Variants in RAB7A observed in about 807,000 individuals in gnomAD.
The protein encoded by RAB7A is RAB7A, member RAS oncogene family, also known as ras-related protein Rab-7a.
In RAB7A, 2 loss-of-function variants were observed where a neutral mutation model predicts 24.5. The observed-to-expected ratio is 0.08, with a 90% CI of 0.03 to 0.26. The LOEUF (loss-of-function observed/expected upper bound fraction) is 0.26. Ranked by LOEUF, RAB7A falls within the 10% of genes least tolerant of loss-of-function variation. The pLI is 1.00. For missense variants in RAB7A, 118 were observed against 255.7 expected, an observed-to-expected ratio of 0.46 and a Z score of 3.67; for synonymous variants, 100 against 95.9, an observed-to-expected ratio of 1.04 and a Z score of -0.25.
At chr3:128,810,864 GCCAACATTGTGAAACC>G (rs1285680592) in intron 5 of RAB7A, among the ~76,000 whole-genome samples, 2 of 152,160 alleles carry the variant, frequency 1.3e-5, no homozygotes, top group Non-Finnish European at 2.9e-5. Flanking sequence ...GACCAGCCTG[GCCAACATTGTGAAACC>G]CCATCTCTAC....
In RAB7A at chr3:128,795,428, A is replaced by G; in HGVS notation, c.53+8A>G. ...CATCCTGGGAGATTCTGGGTAAGTT[A>G]CTCATGAATTTGAGCTAACAGATTG... On this transcript the variant is annotated splice_region_variant and intron_variant, in intron 2 of 5. Coordinates refer to ENST00000265062, the MANE Select transcript of RAB7A (RefSeq NM_004637.6). The G allele has an allele frequency of 6.2e-7, 1 of 1,610,256 alleles. No individual in the cohort carries two copies. Among genetic ancestry groups the G allele is most frequent in the African/African-American group, 1.3e-5 (1 of 74,896 alleles).
intron 1 of RAB7A, among the ~76,000 whole-genome samples, chr3:128,777,709 C>T (rs926180537): frequency 6.6e-6 from 1 of 152,182 alleles, no homozygotes; most frequent in Non-Finnish European, 1.5e-5. Context: ...ATAAAAGCTG[C>T]TCCAGTCAAT....
At chr3:128,772,824 G>T (rs1464519016) in intron 1 of RAB7A, among the ~76,000 whole-genome samples, 3 of 152,230 alleles carry the variant, frequency 2.0e-5, no homozygotes, top group Admixed American at 6.5e-5. Context: ...GCTCCTAACC[G>T]CGAGTGATCT....
intron 1 of RAB7A, among the ~76,000 whole-genome samples, chr3:128,794,339 G>A (rs2107610518): frequency 6.6e-6 from 1 of 152,288 alleles, no homozygotes; most frequent in African/African-American, 2.4e-5. Context: ...TAGGACATAA[G>A]AGCTGTCATC....
chr3:128,742,048 G>T (rs761021911), intron 1 of RAB7A, among the ~76,000 whole-genome samples: 2 of 152,102 alleles, frequency 1.3e-5, no homozygotes, highest in African/African-American at 4.8e-5. Flanking sequence ...TAAAGATAGC[G>T]TGTCCAGAGT....
chr3:128,770,013 T>G (rs1027595397), intron 1 of RAB7A, among the ~76,000 whole-genome samples: 11 of 151,484 alleles, frequency 7.3e-5, no homozygotes, highest in African/African-American at 2.2e-4. Flanking sequence ...TTCTTTTTTT[T>G]TTTTTTTGAG....
rs1057523037 is a variant in RAB7A at position 128,797,926 on chromosome 3, T to C, written c.54-17T>C. On this transcript the variant is annotated splice_polypyrimidine_tract_variant and intron_variant, in intron 2 of 5. Transcript: ENST00000265062. The stretch of plus-strand genomic sequence containing the variant: ...CCTCCTATTTGACTTATACTTATGG[T>C]TTTTCTCCAATTTCAGAGTCGGGAA... 6.2e-7 allele frequency: 1 copy of C among 1,612,734 alleles called. No individual in the cohort carries two copies. Among genetic ancestry groups the C allele is most frequent in the South Asian group, 1.1e-5 (1 of 91,002 alleles).
chr3:128,728,494 C>T (rs549742088), intron 1 of RAB7A, among the ~76,000 whole-genome samples: 1 of 152,260 alleles, frequency 6.6e-6, no homozygotes, highest in East Asian at 1.9e-4. Context: ...CGGAGTTTCC[C>T]TCTTGTTGCC....
At chr3:128,774,104 A>T (rs1018689481) in intron 1 of RAB7A, among the ~76,000 whole-genome samples, 46 of 150,302 alleles carry the variant, frequency 3.1e-4, no homozygotes, top group Admixed American at 6.6e-4. Flanking sequence ...AAGAAAAAAA[A>T]TTTTTTTAAA....
At chr3:128,752,956 G>A (rs1452512445) in intron 1 of RAB7A, among the ~76,000 whole-genome samples, 2 of 152,070 alleles carry the variant, frequency 1.3e-5, no homozygotes, top group African/African-American at 4.8e-5. Context: ...TCAAAATGAT[G>A]CTACAAATTA....
intron 1 of RAB7A, chr3:128,764,819 C>T (rs1428432015): frequency 2.1e-6 from 2 of 941,332 alleles, no homozygotes; most frequent in Admixed American, 1.7e-5. Flanking sequence ...AGTTTCTCGG[C>T]ATGTTCCCTC....
intron 1 of RAB7A, among the ~76,000 whole-genome samples, chr3:128,741,489 A>T (rs531470394): frequency 2.0e-5 from 3 of 152,070 alleles, no homozygotes; most frequent in Non-Finnish European, 4.4e-5. Flanking sequence ...TTGACTAGAA[A>T]TTTTTTTTAT....
intron 1 of RAB7A, among the ~76,000 whole-genome samples, chr3:128,748,254 T>C (rs1301797403): frequency 2.0e-5 from 3 of 152,136 alleles, no homozygotes; most frequent in Admixed American, 6.5e-5. Flanking sequence ...GCTGGTACAT[T>C]GAGTGGAGGG....
intron 5 of RAB7A, among the ~76,000 whole-genome samples, chr3:128,808,815 C>G (rs560479839): frequency 1.7e-4 from 26 of 152,048 alleles, no homozygotes; most frequent in African/African-American, 5.6e-4. Context: ...TCCAGGAAGC[C>G]GGCTGAATGA....
At chr3:128,752,831 C>G (rs1165660227) in intron 1 of RAB7A, among the ~76,000 whole-genome samples, 1 of 150,930 alleles carries the variant, frequency 6.6e-6, no homozygotes, top group African/African-American at 2.4e-5. Context: ...CTACAACAGC[C>G]TTTTTTATTT....
chr3:128,765,656 G>A (rs373528017), intron 1 of RAB7A, among the ~76,000 whole-genome samples: 52 of 152,252 alleles, frequency 3.4e-4, no homozygotes, highest in Middle Eastern at 6.8e-3. Flanking sequence ...GGTGGAAGGG[G>A]CGAGGTGGCT....
At chr3:128,798,480 TC>T (rs1933623575) in intron 3 of RAB7A, 2 of 193,004 alleles carry the variant, frequency 1.0e-5, no homozygotes, top group Admixed American at 5.4e-5. Context: ...TTTTCTGACT[TC>T]CTATTTCATA....
At chr3:128,759,740 G>T (rs970226938) in intron 1 of RAB7A, among the ~76,000 whole-genome samples, 1 of 151,300 alleles carries the variant, frequency 6.6e-6, no homozygotes, top group East Asian at 1.9e-4. Flanking sequence ...ACGGAGTTTC[G>T]CTCTTGTTAC....
chr3:128,770,422 A>T (rs563619469), intron 1 of RAB7A, among the ~76,000 whole-genome samples: 3 of 152,150 alleles, frequency 2.0e-5, no homozygotes, highest in Non-Finnish European at 4.4e-5. Context: ...GCCTCCTGTC[A>T]TTTTTGTTTA....
Sources: allele counts gnomAD v4.1 joint callset (sites outside exome capture counted in the v4.1 genomes callset), GRCh38; gene constraint gnomAD v4.1.1; transcripts MANE v1.5; gene names NCBI Gene and HGNC (gene_info 2026-07-23, HGNC 2026-07-21).